Variants in GALNT14 observed in about 807,000 individuals in gnomAD.
The protein encoded by GALNT14 is UDP-GalNAc:polypeptide N-acetylgalactosaminyltransferase 14.
A neutral mutation model predicts 77.5 loss-of-function variants in GALNT14; 60 were observed. That is an observed-to-expected ratio of 0.77 (90% confidence interval 0.63 to 0.96). The LOEUF is 0.96. Among genes scored for constraint, GALNT14 ranks in the 40% least tolerant of loss-of-function variants. The pLI, the probability that GALNT14 is intolerant of heterozygous loss-of-function variation, is 0.00. For missense variants in GALNT14, 710 were observed against 731.0 expected (o/e 0.97, Z 0.33); for synonymous variants, 280 against 281.7 (o/e 0.99, Z 0.06).
chr2:31,023,662 C>T (rs1359080441), intron 1 of GALNT14, among the ~76,000 whole-genome samples: 3 of 152,084 alleles, frequency 2.0e-5, no homozygotes, highest in African/African-American at 4.8e-5. Context: ...TAAATCCAAT[C>T]GGCATTCCTG....
intron 1 of GALNT14, among the ~76,000 whole-genome samples, chr2:31,025,183 T>C (rs1027560451): frequency 6.6e-6 from 1 of 152,192 alleles, no homozygotes; most frequent in East Asian, 1.9e-4. Flanking sequence ...AATTCTAAGA[T>C]GTAGTTATCA....
chr2:31,036,936 A>G (rs1672769453), intron 1 of GALNT14, among the ~76,000 whole-genome samples: 1 of 152,162 alleles, frequency 6.6e-6, no homozygotes, highest in Non-Finnish European at 1.5e-5. Flanking sequence ...TTCATCTTTG[A>G]CATTTTTACT....
downstream of GALNT14, among the ~76,000 whole-genome samples, chr2:30,909,035 T>A (rs1252969437): frequency 6.6e-6 from 1 of 152,068 alleles, no homozygotes; most frequent in Non-Finnish European, 1.5e-5. Flanking sequence ...GATCCCTTCC[T>A]TACACCTTAT....
At chr2:31,050,263 C>G (rs1673755555) in intron 1 of GALNT14, among the ~76,000 whole-genome samples, 1 of 152,196 alleles carries the variant, frequency 6.6e-6, no homozygotes, top group African/African-American at 2.4e-5. Context: ...TTTCTGTTTC[C>G]TGCAGAGTAA....
intron 1 of GALNT14, among the ~76,000 whole-genome samples, chr2:31,027,411 C>G (rs558260266): frequency 6.7e-6 from 1 of 148,562 alleles, no homozygotes; most frequent in Non-Finnish European, 1.5e-5. Context: ...GAGCAAAACT[C>G]CAACTCAAAA....
intron 1 of GALNT14, among the ~76,000 whole-genome samples, chr2:31,112,250 G>C (rs189034735): frequency 1.6e-3 from 249 of 152,294 alleles, no homozygotes; most frequent in African/African-American, 5.4e-3. Context: ...CCTAAGCACC[G>C]TGTGAACCAG....
chr2:31,051,922 G>A (rs1040723292), intron 1 of GALNT14, among the ~76,000 whole-genome samples: 4 of 151,942 alleles, frequency 2.6e-5, no homozygotes, highest in African/African-American at 9.7e-5. Context: ...CCTCCCCTCC[G>A]CCCACCCAAC....
intron 1 of GALNT14, among the ~76,000 whole-genome samples, chr2:31,118,687 G>C (rs534400049): frequency 6.6e-6 from 1 of 152,164 alleles, no homozygotes; most frequent in East Asian, 1.9e-4. Flanking sequence ...AATTTTGAAA[G>C]TTCTCATGAA....
chr2:31,067,654 G>C (rs1030438380), intron 1 of GALNT14, among the ~76,000 whole-genome samples: 1 of 152,300 alleles, frequency 6.6e-6, no homozygotes, highest in East Asian at 1.9e-4. Context: ...CCCTCTAGCA[G>C]AGGGAGGACT....
Position 30,945,019 on chromosome 2 carries a change from T to C in GALNT14, c.743-77A>G, listed in dbSNP as rs553092145. 3.2e-5 allele frequency: 42 copies of C among 1,298,530 alleles called. 2 individuals are homozygous for C. The South Asian group carries it at 5.1e-4, about 16-fold the overall frequency. The allele number at this position is 1,298,530 out of a possible 1,614,324, so 80.4% of individuals were successfully genotyped here. ...ATTCTGCACCCTCTCCAGAAGGTCATGAATGTACCCAGGTCCTGGAGAGGT... is the reference window on the plus strand; with the variant it reads ...ATTCTGCACCCTCTCCAGAAGGTCACGAATGTACCCAGGTCCTGGAGAGGT... On this transcript the variant is annotated intron_variant, in intron 7 of 14. Transcript: ENST00000349752.
chr2:30,942,156 G>C (rs1335089542), intron 9 of GALNT14, 45 bp downstream of exon 9: 2 of 1,388,046 alleles, frequency 1.4e-6, no homozygotes, highest in South Asian at 1.2e-5. Context: ...CAATCCCCAG[G>C]GTGTATAGAA....
intron 6 of GALNT14, 122 bp downstream of exon 6, chr2:30,955,496 G>T: frequency 7.5e-7 from 1 of 1,331,366 alleles, no homozygotes; most frequent in South Asian, 1.4e-5. Context: ...AATCGGGACT[G>T]CGATCTGTTC....
chr2:31,088,455 G>A lies in GALNT14; in HGVS notation c.129+49503C>T, dbSNP rs187961374. Among the ~76,000 whole-genome samples, 278 of 152,228 alleles carry A rather than the reference G, an allele frequency of 1.8e-3. 3 individuals carry two copies. The highest frequency in any genetic ancestry group is 6.3e-3 in the African/African-American group (260 of 41,542). On this transcript the variant is annotated intron_variant, in intron 1 of 14. Coordinates refer to ENST00000349752, the MANE Select transcript of GALNT14 (RefSeq NM_024572.4). ...ATGTGCTTGCCTGATTGGGCTTGGC[G>A]TCTCGTGGTCCTTCCTTTCTTTGTG...
intron 1 of GALNT14, among the ~76,000 whole-genome samples, chr2:31,075,035 C>T (rs774743787): frequency 1.3e-5 from 2 of 152,126 alleles, no homozygotes; most frequent in Non-Finnish European, 2.9e-5. Flanking sequence ...GTGTTCAGGT[C>T]CTGGGAGCGG....
At chr2:31,123,400 C>T (rs546981439) in intron 1 of GALNT14, among the ~76,000 whole-genome samples, 12 of 152,208 alleles carry the variant, frequency 7.9e-5, no homozygotes, top group Admixed American at 2.0e-4. Context: ...GTGCCCAAAA[C>T]GTATAGAACC....
At position 31,028,641 on chromosome 2, in the gene GALNT14, C is replaced by T. The variant is rs562772670; in HGVS notation, c.130-35634G>A. Reference sequence around the variant, plus strand: ...TTCGAGGCAGCAGGAGGCGGGGTAGCGGTGAAACACCAGGGGCTATTTATG... The same window carrying T: ...TTCGAGGCAGCAGGAGGCGGGGTAGTGGTGAAACACCAGGGGCTATTTATG... On this transcript the variant is annotated intron_variant, in intron 1 of 14. Transcript: ENST00000349752. Among the ~76,000 whole-genome samples the T allele has an allele frequency of 6.6e-5, 10 of 152,296 alleles. No individual in the cohort carries two copies. The East Asian group carries it at 1.4e-3, about 21-fold the overall frequency.
chr2:31,065,296 G>A (rs1674871722), intron 1 of GALNT14: 2 of 152,120 alleles, frequency 1.3e-5, no homozygotes, highest in Middle Eastern at 3.1e-3. Flanking sequence ...GCTCTACTGA[G>A]GGCTGAGATG....
intron 1 of GALNT14, among the ~76,000 whole-genome samples, chr2:31,009,043 G>T (rs936724286): frequency 1.3e-5 from 2 of 152,202 alleles, no homozygotes; most frequent in African/African-American, 4.8e-5. Context: ...TGCAGGAGGG[G>T]AGATAATGAC....
intron 1 of GALNT14, among the ~76,000 whole-genome samples, chr2:31,043,116 T>C (rs574452159): frequency 2.0e-5 from 3 of 152,278 alleles, no homozygotes; most frequent in African/African-American, 4.8e-5. Context: ...CCAAGCACTC[T>C]TAACTTGGAG....
Sources: gnomAD v4.1 joint callset for allele counts (sites outside exome capture counted in the v4.1 genomes callset) on GRCh38, gnomAD v4.1.1 for gene constraint, MANE v1.5 for transcripts, NCBI Gene and HGNC (gene_info 2026-07-23, HGNC 2026-07-21) for gene names.